FN1: variants seen among roughly 807,000 people sequenced by gnomAD.
FN1 encodes the protein fibronectin 1, also known as fibronectin.
FN1 carries 106 observed loss-of-function variants against 297.3 expected under a neutral mutation model. The ratio of observed to expected loss-of-function variants is 0.36; its 90% CI spans 0.30 to 0.42. The LOEUF is 0.42. Among genes scored for constraint, FN1 ranks in the 10% least tolerant of loss-of-function variants. The pLI is 1.00. For missense variants in FN1, 2,690 were observed against 3,124.9 expected (o/e 0.86, Z 3.32); for synonymous variants, 1,149 against 1,152.6 (o/e 1.00, Z 0.06).
chr2:215,423,582 G>A lies in FN1; in HGVS notation c.1217-56C>T, dbSNP rs143816492. ...AAAGATTACCGCTGAGCTTTCCAAT[G>A]TACACAGAATTACTGGTCTGAGAGA... On this transcript the variant is annotated intron_variant, in intron 8 of 45. Coordinates refer to ENST00000354785, the MANE Select transcript of FN1 (RefSeq NM_212482.4). The A allele has an allele frequency of 1.2e-4, 180 of 1,532,818 alleles. 2 individuals carry two copies. The African/African-American group carries it at 2.0e-3, about 17-fold the overall frequency. 95.0% of individuals were successfully genotyped at this position (1,532,818 alleles called of 1,614,324 possible).
chr2:215,403,482 C>G (rs2061390860), intron 20 of FN1, among the ~76,000 whole-genome samples: 1 of 152,116 alleles, frequency 6.6e-6, no homozygotes, highest in Non-Finnish European at 1.5e-5. Context: ...GCAAACTAGT[C>G]CATGGTTAGA....
intron 20 of FN1, among the ~76,000 whole-genome samples, chr2:215,401,676 A>G (rs551602211): frequency 2.0e-5 from 3 of 152,308 alleles, no homozygotes; most frequent in Admixed American, 1.3e-4. Flanking sequence ...AAAAGTGTTC[A>G]GACTCCAGTC....
intron 30 of FN1, 36 bp from the exon 31 acceptor site, chr2:215,383,519 C>T: frequency 1.2e-6 from 2 of 1,612,708 alleles, no homozygotes; most frequent in Non-Finnish European, 8.5e-7. Flanking sequence ...AGTGAAGCCC[C>T]AGTCCTTGGA....
At position 215,425,275 on chromosome 2, in the gene FN1, G is replaced by A. The variant is rs764152907; in HGVS notation, c.855C>T (p.Pro285=). 1.4e-5 allele frequency: 22 copies of A among 1,613,980 alleles called. No homozygotes were observed. The highest frequency in any genetic ancestry group is 1.7e-5 in the Non-Finnish European group (20 of 1,180,034). ...SVQTTSSGSG[P]FTDVRAAVYQ... ...AAACAGCTGCACGAACATCGGTGAA[G>A]GGGCCAGATCCTAATGGCATGAAAA... Residue 285 remains proline (P), a synonymous_variant, in exon 7 of 46, where the codon CCC becomes CCT. Transcript: ENST00000354785.
At chr2:215,398,229 T>G (rs560849579) in intron 21 of FN1, among the ~76,000 whole-genome samples, 11 of 152,348 alleles carry the variant, frequency 7.2e-5, no homozygotes, top group African/African-American at 1.4e-4. Flanking sequence ...TAACGAGTTA[T>G]TCACATTCAA....
chr2:215,376,598 A>G lies in FN1; in HGVS notation c.5787T>C (p.Thr1929=), dbSNP rs765482338. Residue 1929 remains threonine (T), a synonymous_variant, in exon 36 of 46, where the codon ACT becomes ACC. Transcript: ENST00000354785. ...CAACTTGGAAGCCAGTGATCGTCTC[A>G]GTCTTGGTTCTCCAGCTAATGGTGA... ...TTITISWRTK[T]ETITGFQVDA... 2 of 1,613,686 alleles carry G rather than the reference A, an allele frequency of 1.2e-6. No homozygotes were observed. The highest frequency in any genetic ancestry group is 3.3e-5 in the Admixed American group (2 of 59,944).
At chr2:215,385,190 G>C (rs1008865882) in intron 28 of FN1, among the ~76,000 whole-genome samples, 1 of 151,154 alleles carries the variant, frequency 6.6e-6, no homozygotes, top group Non-Finnish European at 1.5e-5. Flanking sequence ...TCAAATTTGG[G>C]GAAGAGTTTT....
In FN1 at chr2:215,395,977, G is replaced by A. The variant is rs116437085; in HGVS notation, c.3604+1160C>T. Reference sequence around the variant, plus strand: ...TAGCTTTGGCTTAAACAATGTTTCCGCAGATAATGAAAACTTTACCAAAAT... The same window carrying A: ...TAGCTTTGGCTTAAACAATGTTTCCACAGATAATGAAAACTTTACCAAAAT... On this transcript the variant is annotated intron_variant, in intron 23 of 45. Transcript: ENST00000354785. Among the ~76,000 whole-genome samples, 760 of 152,254 alleles carry A rather than the reference G, an allele frequency of 5.0e-3. 10 individuals are homozygous for A. The highest frequency in any genetic ancestry group is 5.4e-3 in the Non-Finnish European group (367 of 68,022).
chr2:215,384,747 G>A lies in FN1; in HGVS notation c.4729+113C>T, dbSNP rs148961083. The A allele has an allele frequency of 1.2e-3, 939 of 791,430 alleles. 8 individuals carry two copies. The African/African-American group carries it at 0.014, about 12-fold the overall frequency. The allele number at this position is 791,430 out of a possible 1,614,324, so 49.0% of individuals were successfully genotyped here. A position where few individuals can be genotyped will look rare whatever the true frequency, so the allele number is the denominator to read the frequency against. The stretch of plus-strand genomic sequence containing the variant: ...TTTTCTTGGAAAAAACAAGGGCTCC[G>A]TTGAATGGACTTGCCAAAGTTTCTT... On this transcript the variant is annotated intron_variant, in intron 29 of 45. Transcript: ENST00000354785.
chr2:215,391,792 C>T lies in FN1; in HGVS notation c.4092G>A (p.Leu1364=). The change falls in exon 26 of 46, where the codon CTG becomes CTA. Residue 1364 remains leucine (L), a synonymous_variant. Transcript: ENST00000354785. ...TGTCTGGACCAATGTTGGTGAATCG[C>T]AGGTCAGTGGGAGGAGGAACAGCTG... ...QQTAVPPPTD[L]RFTNIGPDTM... 6.2e-7 allele frequency: 1 copy of T among 1,614,064 alleles called. No individual in the cohort carries two copies. Among genetic ancestry groups the T allele is most frequent in the Non-Finnish European group, 8.5e-7 (1 of 1,179,996 alleles).
intron 26 of FN1, among the ~76,000 whole-genome samples, chr2:215,390,422 C>T (rs2059585611): frequency 6.6e-6 from 1 of 152,086 alleles, no homozygotes; most frequent in Non-Finnish European, 1.5e-5. Context: ...TGGGCTCAAG[C>T]AATTGGCCCA....
At chr2:215,409,076 A>T (rs1231624221) in intron 15 of FN1, among the ~76,000 whole-genome samples, 1 of 152,048 alleles carries the variant, frequency 6.6e-6, no homozygotes, top group Non-Finnish European at 1.5e-5. Context: ...GAGGGTAGAG[A>T]GATATTCTTT....
At chr2:215,399,447 T>C in intron 20 of FN1, 96 bp from the exon 21 acceptor site, 1 of 848,600 alleles carries the variant, frequency 1.2e-6, no homozygotes, top group Non-Finnish European at 2.0e-6. Flanking sequence ...AACCTCAGTT[T>C]AACCAAGCAG....
intron 16 of FN1, 24 bp from the exon 17 acceptor site, chr2:215,408,221 A>C: frequency 1.9e-6 from 3 of 1,612,852 alleles, no homozygotes; most frequent in Non-Finnish European, 2.5e-6. Flanking sequence ...AAAGTGGGGC[A>C]AACAGTCAGG....
intron 5 of FN1, among the ~76,000 whole-genome samples, chr2:215,430,308 T>C (rs2066273764): frequency 6.6e-6 from 1 of 152,192 alleles, no homozygotes; most frequent in African/African-American, 2.4e-5. Context: ...GCCAGCTTCT[T>C]TACAGCACTA....
chr2:215,389,249 G>A (rs1446622641), intron 26 of FN1, among the ~76,000 whole-genome samples: 1 of 152,046 alleles, frequency 6.6e-6, no homozygotes, highest in Non-Finnish European at 1.5e-5. Flanking sequence ...GATTACAGGT[G>A]CCTGCCACCA....
At chr2:215,361,674 A>G (rs2053469527) in intron 45 of FN1, 48 bp from the exon 46 acceptor site, 3 of 1,399,334 alleles carry the variant, frequency 2.1e-6, no homozygotes, top group Non-Finnish European at 3.0e-6. Context: ...AATACTGTAA[A>G]GTGTACAGAA....
Position 215,384,197 on chromosome 2 carries a change from G to A in FN1, c.4730-13C>T. On this transcript the variant is annotated splice_polypyrimidine_tract_variant and intron_variant, in intron 29 of 45. Coordinates refer to ENST00000354785, the MANE Select transcript of FN1 (RefSeq NM_212482.4). Reference sequence around the variant, plus strand: ...GGGCTATTTCCTCCTGTATGAAAAAGGGTTAGTTCAGAGTGTGAGGGGTTT... The same window carrying A: ...GGGCTATTTCCTCCTGTATGAAAAAAGGTTAGTTCAGAGTGTGAGGGGTTT... 2 of 1,614,000 alleles carry A rather than the reference G, an allele frequency of 1.2e-6. No individual in the cohort carries two copies. Among genetic ancestry groups the A allele is most frequent in the Non-Finnish European group, 1.7e-6 (2 of 1,179,912 alleles).
chr2:215,417,870 T>C (rs1346031668), intron 12 of FN1, among the ~76,000 whole-genome samples: 2 of 152,186 alleles, frequency 1.3e-5, no homozygotes, highest in African/African-American at 2.4e-5. Flanking sequence ...CAGCCTTATG[T>C]TGAGAGAGAC....
Sources: allele counts gnomAD v4.1 joint callset (sites outside exome capture counted in the v4.1 genomes callset), GRCh38; gene constraint gnomAD v4.1.1; transcripts MANE v1.5; gene names NCBI Gene and HGNC (gene_info 2026-07-23, HGNC 2026-07-21).